Variants in PPFIBP2 observed in about 807,000 individuals in gnomAD.
PPFIBP2 encodes PPFIB scaffold protein 2.
A neutral mutation model predicts 118.3 loss-of-function variants in PPFIBP2; 118 were observed. That is an observed-to-expected ratio of 1.00 (90% CI 0.86 to 1.16). PPFIBP2 has a LOEUF of 1.16. PPFIBP2 is among the 50% of genes most tolerant of loss of function. PPFIBP2 has a pLI of 0.00. For missense variants in PPFIBP2, 1,195 were observed against 1,073.1 expected (o/e 1.11, Z -1.59); for synonymous variants, 414 against 397.4 (o/e 1.04, Z -0.50).
At chr11:7,664,551 TTGTTATC>T in the PPFIBP2 span, among the ~76,000 whole-genome samples, 9 of 152,202 alleles carry the variant, frequency 5.9e-5, no homozygotes, top group Non-Finnish European at 8.8e-5. Flanking sequence ...TCTTTGGACT[TTGTTATC>T]TGTTCCCTGA....
intron 3 of PPFIBP2, among the ~76,000 whole-genome samples, chr11:7,566,230 T>C (rs1225553680): frequency 6.6e-6 from 1 of 152,240 alleles, no homozygotes; most frequent in Non-Finnish European, 1.5e-5. Context: ...TATTTTTGCA[T>C]TTCTTTGGTA....
intron 2 of PPFIBP2, among the ~76,000 whole-genome samples, chr11:7,564,457 A>C (rs1256522900): frequency 6.6e-6 from 1 of 152,226 alleles, no homozygotes. Context: ...GAGCATATAG[A>C]GATATATAGG....
chr11:7,562,357 A>G (rs191672425), intron 2 of PPFIBP2, among the ~76,000 whole-genome samples: 3 of 152,188 alleles, frequency 2.0e-5, no homozygotes, highest in Non-Finnish European at 4.4e-5. Context: ...GGACTTTTCC[A>G]TAGGGATGAT....
chr11:7,647,023 G>A (rs1191171314), intron 17 of PPFIBP2, among the ~76,000 whole-genome samples: 1 of 152,106 alleles, frequency 6.6e-6, no homozygotes, highest in African/African-American at 2.4e-5. Context: ...ACCCATGAAA[G>A]CCCAGGTTCC....
chr11:7,652,891 CAG>C lies in PPFIBP2; in HGVS notation c.2437-130_2437-129del, dbSNP rs569160101. On this transcript the variant is annotated intron_variant, in intron 23 of 23. Transcript: ENST00000299492. ...TTGCTTCCAAGAGCTCTGTTTTGTT[CAG>C]AGTCTTTCTAGGAGCAGTTTACATT... 1,578 of 1,073,784 alleles carry C rather than the reference CAG, an allele frequency of 1.5e-3. 26 individuals are homozygous for C. The African/African-American group carries it at 0.022, about 15-fold the overall frequency. The allele number at this position is 1,073,784 out of a possible 1,614,324, so 66.5% of individuals were successfully genotyped here.
intron 3 of PPFIBP2, among the ~76,000 whole-genome samples, chr11:7,586,882 A>G (rs1484097565): frequency 2.6e-5 from 4 of 152,240 alleles, no homozygotes; most frequent in Non-Finnish European, 4.4e-5. Context: ...TGTGTCTGAC[A>G]TGTAATTCTT....
chr11:7,527,840 G>A (rs1441603693), intron 1 of PPFIBP2, among the ~76,000 whole-genome samples: 1 of 152,106 alleles, frequency 6.6e-6, no homozygotes, highest in Non-Finnish European at 1.5e-5. Context: ...GCATGATTTG[G>A]CTGGAACTGA....
chr11:7,554,786 G>GACTAGACTAGACTAT (rs1853403160), intron 2 of PPFIBP2, among the ~76,000 whole-genome samples: 2 of 113,346 alleles, frequency 1.8e-5, no homozygotes, highest in South Asian at 5.6e-4. Flanking sequence ...AATCCCAGGT[G>GACTAGACTAGACTAT]ACTAGACTAG....
At chr11:7,558,356 G>GGGACAGAA (rs1853875887) in intron 2 of PPFIBP2, among the ~76,000 whole-genome samples, 1 of 152,196 alleles carries the variant, frequency 6.6e-6, no homozygotes. Flanking sequence ...GTGACTTCAA[G>GGGACAGAA]GGACAGAACT....
chr11:7,657,255 CCG>C (rs1262594248), downstream of PPFIBP2: 1 of 163,006 alleles, frequency 6.1e-6, no homozygotes, highest in Admixed American at 5.9e-5. Context: ...GGAGGTCCCT[CCG>C]GGGCTGCTTC....
intron 14 of PPFIBP2, 123 bp downstream of exon 14, chr11:7,635,716 G>A (rs1851363810): frequency 1.0e-6 from 1 of 997,190 alleles, no homozygotes; most frequent in Non-Finnish European, 1.5e-6. Context: ...GAGGGCAAGA[G>A]GAAAGACGCA....
chr11:7,530,147 G>A (rs994803749), intron 1 of PPFIBP2, among the ~76,000 whole-genome samples: 1 of 152,196 alleles, frequency 6.6e-6, no homozygotes, highest in East Asian at 1.9e-4. Context: ...CTCTGATGTG[G>A]AGAGGCAGAG....
intron 1 of PPFIBP2, among the ~76,000 whole-genome samples, chr11:7,527,951 A>G (rs745410312): frequency 1.3e-5 from 2 of 152,148 alleles, no homozygotes; most frequent in Non-Finnish European, 2.9e-5. Flanking sequence ...TGCTCACTTA[A>G]ATTTCAAAGC....
chr11:7,552,268 C>T (rs77924639), intron 2 of PPFIBP2, among the ~76,000 whole-genome samples: 14,321 of 152,182 alleles, frequency 0.094, 734 homozygotes, highest in South Asian at 0.15. Flanking sequence ...TGTTGACATG[C>T]GTAAGGTGCT....
chr11:7,515,085 T>C (rs1252396948), intron 1 of PPFIBP2, among the ~76,000 whole-genome samples: 2 of 152,260 alleles, frequency 1.3e-5, no homozygotes, highest in Non-Finnish European at 2.9e-5. Flanking sequence ...ATCTTCAGCA[T>C]ATTCAGTCTT....
intron 14 of PPFIBP2, among the ~76,000 whole-genome samples, chr11:7,638,006 C>T (rs762495379): frequency 6.6e-6 from 1 of 152,188 alleles, no homozygotes; most frequent in Non-Finnish European, 1.5e-5. Flanking sequence ...AGCTCTTCCC[C>T]CCTCCATATG....
intron 6 of PPFIBP2, 41 bp from the exon 7 acceptor site, chr11:7,620,894 T>C (rs781557445): frequency 2.8e-6 from 4 of 1,452,182 alleles, no homozygotes; most frequent in Non-Finnish European, 3.9e-6. Flanking sequence ...AGAGCACATC[T>C]TTTAACCATC....
the PPFIBP2 span, among the ~76,000 whole-genome samples, chr11:7,663,146 C>T: frequency 7.6e-6 from 1 of 131,654 alleles, no homozygotes; most frequent in South Asian, 2.7e-4. Flanking sequence ...CTTCTCTCAG[C>T]TCGTCAAAGT....
chr11:7,648,293 T>C (rs886705230), intron 17 of PPFIBP2, 94 bp from the exon 18 acceptor site: 1 of 1,371,198 alleles, frequency 7.3e-7, no homozygotes, highest in African/African-American at 1.5e-5. Context: ...TTGTTTTGTT[T>C]TTTCTTTTCT....
Sources: gnomAD v4.1 joint callset for allele counts (sites outside exome capture counted in the v4.1 genomes callset) on GRCh38, gnomAD v4.1.1 for gene constraint, MANE v1.5 for transcripts, NCBI Gene and HGNC (gene_info 2026-07-23, HGNC 2026-07-21) for gene names.